Variants in ZCCHC10 observed in about 807,000 individuals in gnomAD.
ZCCHC10 encodes the protein zinc finger CCHC domain-containing protein 10.
In ZCCHC10, 16 loss-of-function variants were observed where a neutral mutation model predicts 19.5. That is an observed-to-expected ratio of 0.82 (90% confidence interval 0.56 to 1.25). ZCCHC10 has a LOEUF of 1.25. Ranked by LOEUF, ZCCHC10 falls within the 50% of genes most tolerant of loss-of-function variation. The pLI is 0.00. For synonymous variants in ZCCHC10, 67 were observed against 72.5 expected (o/e 0.92, Z 0.38); for missense variants, 197 against 201.0 (o/e 0.98, Z 0.12).
intron 2 of ZCCHC10, among the ~76,000 whole-genome samples, chr5:133,014,453 C>T (rs1763787993): frequency 1.3e-5 from 2 of 152,224 alleles, no homozygotes; most frequent in African/African-American, 4.8e-5. Flanking sequence ...GCGTGAGCCA[C>T]CGCGCCCAGA....
chr5:133,001,596 G>A (rs1293051555), intron 3 of ZCCHC10, among the ~76,000 whole-genome samples: 1 of 151,900 alleles, frequency 6.6e-6, no homozygotes, highest in Non-Finnish European at 1.5e-5. Flanking sequence ...GGAGTAGCTG[G>A]GACTACAACA....
At chr5:133,011,120 T>A (rs1159515310) in intron 2 of ZCCHC10, among the ~76,000 whole-genome samples, 1 of 151,376 alleles carries the variant, frequency 6.6e-6, no homozygotes, top group Non-Finnish European at 1.5e-5. Flanking sequence ...TAAAAATATT[T>A]TTTTTTTCTT....
At chr5:133,024,127 T>C (rs1328791222) in intron 1 of ZCCHC10, among the ~76,000 whole-genome samples, 1 of 152,236 alleles carries the variant, frequency 6.6e-6, no homozygotes, top group African/African-American at 2.4e-5. Context: ...AGACATATTG[T>C]AGATATAAAA....
intron 2 of ZCCHC10, among the ~76,000 whole-genome samples, chr5:133,021,100 G>A (rs1161348618): frequency 1.3e-5 from 2 of 152,156 alleles, no homozygotes; most frequent in African/African-American, 2.4e-5. Context: ...GTTTCACTGT[G>A]TTAGCCAGGA....
intron 2 of ZCCHC10, among the ~76,000 whole-genome samples, chr5:133,008,486 C>T (rs187225812): frequency 1.8e-4 from 26 of 143,310 alleles, no homozygotes; most frequent in African/African-American, 6.5e-4. Flanking sequence ...TGCAGTGAGC[C>T]GAGATTGCGC....
rs779543480 is a variant in ZCCHC10 at position 133,023,276 on chromosome 5, C to T, written c.42-370G>A. On this transcript the variant is annotated intron_variant, in intron 1 of 4. Transcript: ENST00000509437. ...ATAGAAGAAATGACCCCAAATAATG[C>T]CTAGACTCCATAATTTACTTAATAT... Among the ~76,000 whole-genome samples, 67 of 152,034 alleles carry T rather than the reference C, an allele frequency of 4.4e-4. No individual in the cohort carries two copies. In the Middle Eastern group the frequency reaches 0.017, roughly 39 times the overall value.
At chr5:133,019,156 G>A (rs1169157922) in intron 2 of ZCCHC10, 2 of 436,918 alleles carry the variant, frequency 4.6e-6, no homozygotes, top group Non-Finnish European at 9.1e-6. Context: ...GGCCAAGGCA[G>A]GATCACCCGA....
intron 2 of ZCCHC10, among the ~76,000 whole-genome samples, chr5:133,010,331 G>A (rs1188055611): frequency 6.6e-6 from 1 of 152,102 alleles, no homozygotes; most frequent in Non-Finnish European, 1.5e-5. Context: ...TTACAGGTGT[G>A]AGCCACCGTG....
In ZCCHC10 at chr5:133,005,640, T is replaced by C. The variant is rs1763072003; in HGVS notation, c.269+1119A>G. On this transcript the variant is annotated intron_variant, in intron 3 of 4. Coordinates refer to ENST00000509437, the MANE Select transcript of ZCCHC10 (RefSeq NM_001300816.3). ...AAACAAAACTATTATGACCATTCAC[T>C]TTCTCAGCACAAACACCACTATTCT... Among the ~76,000 whole-genome samples the C allele has an allele frequency of 5.4e-5, 8 of 146,976 alleles. No homozygotes were observed. In the South Asian group the frequency reaches 1.7e-3, roughly 31 times the overall value.
chr5:133,020,071 C>T (rs907223511), intron 2 of ZCCHC10, among the ~76,000 whole-genome samples: 1 of 152,102 alleles, frequency 6.6e-6, no homozygotes, highest in Admixed American at 6.6e-5. Context: ...TGGCTCATGC[C>T]TATAATCCCA....
At chr5:133,019,067 G>A (rs866889663) in intron 2 of ZCCHC10, 3 of 451,490 alleles carry the variant, frequency 6.6e-6, no homozygotes, top group Non-Finnish European at 1.3e-5. Flanking sequence ...TTATAAATAC[G>A]ACATTCACAA....
intron 3 of ZCCHC10, among the ~76,000 whole-genome samples, chr5:133,005,667 C>G (rs1763074099): frequency 1.4e-5 from 1 of 71,070 alleles, no homozygotes; most frequent in Non-Finnish European, 2.6e-5. Flanking sequence ...CACTATTCTG[C>G]CATCTAGGTT....
chr5:133,016,442 TC>T (rs1471880175), intron 2 of ZCCHC10, among the ~76,000 whole-genome samples: 2 of 152,168 alleles, frequency 1.3e-5, no homozygotes, highest in Admixed American at 1.3e-4. Flanking sequence ...TATTTATTTT[TC>T]TCTTTTTTTT....
chr5:133,025,530 A>G (rs1314212340), intron 1 of ZCCHC10, among the ~76,000 whole-genome samples: 1 of 149,402 alleles, frequency 6.7e-6, no homozygotes. Context: ...AAAAAAAAAA[A>G]AAAGAAAGGG....
intron 1 of ZCCHC10, among the ~76,000 whole-genome samples, chr5:133,023,969 C>T (rs888110686): frequency 2.2e-4 from 33 of 152,120 alleles, no homozygotes; most frequent in African/African-American, 7.7e-4. Flanking sequence ...CTCTAAAGGC[C>T]CTCCTTTGCT....
intron 1 of ZCCHC10, 26 bp downstream of exon 1, chr5:133,026,471 T>C (rs1165521933): frequency 6.2e-7 from 1 of 1,612,534 alleles, no homozygotes; most frequent in East Asian, 2.2e-5. Context: ...AGCCCTCCAG[T>C]GGACCCGAAC....
chr5:133,023,842 G>A (rs2126660934), intron 1 of ZCCHC10, among the ~76,000 whole-genome samples: 1 of 152,026 alleles, frequency 6.6e-6, no homozygotes, highest in South Asian at 2.1e-4. Flanking sequence ...TAAATTTGTT[G>A]TTATGTAAGT....
At chr5:133,008,727 C>T (rs552151713) in intron 2 of ZCCHC10, among the ~76,000 whole-genome samples, 10 of 151,172 alleles carry the variant, frequency 6.6e-5, no homozygotes, top group Admixed American at 2.6e-4. Flanking sequence ...AAAAATTAGC[C>T]AGGGCCAGGC....
At chr5:133,001,953 C>CTTTTTTTT (rs34331639) in intron 3 of ZCCHC10, among the ~76,000 whole-genome samples, 3 of 77,842 alleles carry the variant, frequency 3.9e-5, no homozygotes, top group African/African-American at 5.2e-5. Context: ...ATTCAGCAAT[C>CTTTTTTTT]TTTTTTTTTT....
Sources: allele counts gnomAD v4.1 joint callset (sites outside exome capture counted in the v4.1 genomes callset), GRCh38; gene constraint gnomAD v4.1.1; transcripts MANE v1.5; gene names NCBI Gene and HGNC (gene_info 2026-07-23, HGNC 2026-07-21).